NSMCE2: variants seen among roughly 807,000 people sequenced by gnomAD.
NSMCE2 encodes the protein E3 SUMO-protein ligase NSE2.
NSMCE2 carries 24 observed loss-of-function variants against 23.8 expected under a neutral mutation model. That is an observed-to-expected ratio of 1.01 (90% CI 0.73 to 1.42). The LOEUF (loss-of-function observed/expected upper bound fraction) is 1.42. Among genes scored for constraint, NSMCE2 ranks in the 40% most tolerant of loss-of-function variants. NSMCE2 has a pLI of 0.00. For synonymous variants in NSMCE2, 92 were observed against 94.1 expected, an observed-to-expected ratio of 0.98 and a Z score of 0.13; for missense variants, 284 against 296.5, an observed-to-expected ratio of 0.96 and a Z score of 0.31.
chr8:125,157,763 T>A (rs1055701900), intron 4 of NSMCE2, among the ~76,000 whole-genome samples: 1 of 152,230 alleles, frequency 6.6e-6, no homozygotes, highest in Non-Finnish European at 1.5e-5. Flanking sequence ...CATCATAGTA[T>A]TTTGGAGTTA....
chr8:125,095,335 A>G (rs1817877034), intron 1 of NSMCE2, among the ~76,000 whole-genome samples: 1 of 151,868 alleles, frequency 6.6e-6, no homozygotes, highest in Admixed American at 6.6e-5. Flanking sequence ...CATGCCTATA[A>G]TCCCAGCACT....
At chr8:125,189,235 A>G (rs918157396) in intron 5 of NSMCE2, among the ~76,000 whole-genome samples, 1 of 152,234 alleles carries the variant, frequency 6.6e-6, no homozygotes, top group Non-Finnish European at 1.5e-5. Flanking sequence ...TGACAAGAGC[A>G]CACCTGAACA....
intron 5 of NSMCE2, among the ~76,000 whole-genome samples, chr8:125,350,855 A>C (rs756267358): frequency 6.6e-6 from 1 of 152,228 alleles, no homozygotes; most frequent in Non-Finnish European, 1.5e-5. Context: ...ACAGAGTCAC[A>C]TGGGGCTGTC....
At chr8:125,274,894 C>A (rs1827381588) in intron 5 of NSMCE2, among the ~76,000 whole-genome samples, 1 of 146,398 alleles carries the variant, frequency 6.8e-6, no homozygotes, top group Non-Finnish European at 1.5e-5. Flanking sequence ...CGCGCCATTG[C>A]ACTCCAGCCT....
Position 125,183,634 on chromosome 8 carries a change from G to GGTGTGTGTGTGTGTGT in NSMCE2, c.418+1391_418+1406dup, listed in dbSNP as rs59285361. Reference sequence around the variant, plus strand: ...TTATCCATGATATTTATTACTCAGTGGTGTGTGTGTGTGTGTGTGTGTGTG... The same window carrying GGTGTGTGTGTGTGTGT: ...TTATCCATGATATTTATTACTCAGTGGTGTGTGTGTGTGTGTGTGTGTGTGTGTGTGTGTGTGTGTG... On this transcript the variant is annotated intron_variant, in intron 5 of 7. Coordinates refer to ENST00000287437, the MANE Select transcript of NSMCE2 (RefSeq NM_173685.4). 1.9e-3 allele frequency among the ~76,000 whole-genome samples: 283 copies of GGTGTGTGTGTGTGTGT among 147,584 alleles called. 1 individual carries two copies. The highest frequency in any genetic ancestry group is 6.8e-3 in the African/African-American group (273 of 40,062).
At chr8:125,097,206 A>G (rs1045898592) in intron 1 of NSMCE2, among the ~76,000 whole-genome samples, 21 of 152,140 alleles carry the variant, frequency 1.4e-4, no homozygotes, top group African/African-American at 4.6e-4. Context: ...AAAGAACACA[A>G]CAAGAACCCT....
chr8:125,223,437 G>A (rs1383741173), intron 5 of NSMCE2, among the ~76,000 whole-genome samples: 4 of 152,218 alleles, frequency 2.6e-5, no homozygotes, highest in African/African-American at 9.7e-5. Context: ...TAATGCTGCA[G>A]TGAACGTGGG....
At position 125,333,505 on chromosome 8, in the gene NSMCE2, C is replaced by CTTTTTTT. The variant is rs71295847; in HGVS notation, c.419-23693_419-23687dup. Among the ~76,000 whole-genome samples, 37 of 45,628 alleles carry CTTTTTTT rather than the reference C, an allele frequency of 8.1e-4. 8 individuals are homozygous for CTTTTTTT. Among genetic ancestry groups the CTTTTTTT allele is most frequent in the African/African-American group, 1.3e-3 (14 of 10,594 alleles). 29.9% of individuals were successfully genotyped at this position (45,628 alleles called of 152,430 possible). A position where few individuals can be genotyped will look rare whatever the true frequency, so the allele number is the denominator to read the frequency against. On this transcript the variant is annotated intron_variant, in intron 5 of 7. Transcript: ENST00000287437. ...TTCTAATGTAGTTTTCCTGGTGGTT[C>CTTTTTTT]TTTTTTTTTTTTTTTTTTTTTTTTT...
chr8:125,191,503 C>T (rs1401400974), intron 5 of NSMCE2, among the ~76,000 whole-genome samples: 1 of 152,098 alleles, frequency 6.6e-6, no homozygotes, highest in African/African-American at 2.4e-5. Flanking sequence ...ACTTTGATGA[C>T]GCTGGAGGAA....
chr8:125,309,498 G>A (rs186198654), intron 5 of NSMCE2, among the ~76,000 whole-genome samples: 1 of 152,280 alleles, frequency 6.6e-6, no homozygotes, highest in Non-Finnish European at 1.5e-5. Flanking sequence ...CAATGGGGGA[G>A]GATCGCTTGA....
intron 4 of NSMCE2, among the ~76,000 whole-genome samples, chr8:125,173,930 A>G (rs1052705469): frequency 6.6e-6 from 1 of 152,162 alleles, no homozygotes; most frequent in Non-Finnish European, 1.5e-5. Flanking sequence ...TGAAATTGGG[A>G]TAATGATATT....
chr8:125,254,784 T>C (rs1465200120), intron 5 of NSMCE2, among the ~76,000 whole-genome samples: 1 of 152,142 alleles, frequency 6.6e-6, no homozygotes, highest in Non-Finnish European at 1.5e-5. Context: ...TGACGTTCTA[T>C]GGAAGCAGTT....
intron 3 of NSMCE2, among the ~76,000 whole-genome samples, chr8:125,142,787 A>G (rs1020143495): frequency 7.0e-6 from 1 of 142,080 alleles, no homozygotes; most frequent in Non-Finnish European, 1.5e-5. Context: ...TATTTTTAGT[A>G]GAGACGGTTT....
At chr8:125,276,207 T>A (rs1827443999) in intron 5 of NSMCE2, among the ~76,000 whole-genome samples, 1 of 152,142 alleles carries the variant, frequency 6.6e-6, no homozygotes, top group African/African-American at 2.4e-5. Flanking sequence ...GGGCCAGCAT[T>A]GACAATCATG....
intron 5 of NSMCE2, among the ~76,000 whole-genome samples, chr8:125,230,015 ATTTTAG>A (rs1014031027): frequency 2.0e-5 from 3 of 152,180 alleles, no homozygotes; most frequent in Non-Finnish European, 1.5e-5. Flanking sequence ...CACTAAAACG[ATTTTAG>A]TTTTAATTTT....
intron 5 of NSMCE2, among the ~76,000 whole-genome samples, chr8:125,199,419 G>T (rs1242685940): frequency 6.6e-6 from 1 of 152,152 alleles, no homozygotes; most frequent in Non-Finnish European, 1.5e-5. Flanking sequence ...CTTTATTTCT[G>T]CCTTCATTTC....
chr8:125,343,535 G>A (rs903210905), intron 5 of NSMCE2, among the ~76,000 whole-genome samples: 4 of 152,030 alleles, frequency 2.6e-5, no homozygotes, highest in African/African-American at 7.2e-5. Flanking sequence ...GCTACTCGGG[G>A]AGCTGAGGTA....
intron 5 of NSMCE2, among the ~76,000 whole-genome samples, chr8:125,226,060 G>T (rs545007375): frequency 6.6e-6 from 1 of 152,084 alleles, no homozygotes; most frequent in African/African-American, 2.4e-5. Context: ...CAACCTTTAT[G>T]TCTGTTTGCA....
chr8:125,354,342 C>A (rs1269543581), intron 5 of NSMCE2, among the ~76,000 whole-genome samples: 2 of 152,178 alleles, frequency 1.3e-5, no homozygotes, highest in Non-Finnish European at 2.9e-5. Context: ...AATTATCTTA[C>A]CATACTGGGA....
Sources: allele counts gnomAD v4.1 joint callset (sites outside exome capture counted in the v4.1 genomes callset), GRCh38; gene constraint gnomAD v4.1.1; transcripts MANE v1.5; gene names NCBI Gene and HGNC (gene_info 2026-07-23, HGNC 2026-07-21).